IKBKB: variants seen among roughly 807,000 people sequenced by gnomAD.
The protein encoded by IKBKB is inhibitor of nuclear factor kappa-B kinase subunit beta.
IKBKB carries 42 observed loss-of-function variants against 113.6 expected under a neutral mutation model. The observed-to-expected ratio is 0.37, with a 90% CI of 0.29 to 0.48. IKBKB has a LOEUF of 0.48. Ranked by LOEUF, IKBKB falls within the 20% of genes least tolerant of loss-of-function variation. IKBKB has a pLI of 0.99. For missense variants in IKBKB, 673 were observed against 939.7 expected, an observed-to-expected ratio of 0.72 and a Z score of 3.71; for synonymous variants, 296 against 361.3, an observed-to-expected ratio of 0.82 and a Z score of 2.05.
rs201405778 is a variant in IKBKB, at chr8:42,272,034, A to G, written c.-18-49A>G. On this transcript the variant is annotated intron_variant, in intron 1 of 21. Transcript: ENST00000520810. ...TGCCTTCTCCATCCCTTTGAGCTCCATTTTTTTCTTAATCCTAACCTTTTT... is the reference window on the plus strand; with the variant it reads ...TGCCTTCTCCATCCCTTTGAGCTCCGTTTTTTTCTTAATCCTAACCTTTTT... 1.1e-5 allele frequency: 17 copies of G among 1,562,396 alleles called. 1 individual carries two copies. The South Asian group carries it at 1.9e-4, about 18-fold the overall frequency.
intron 2 of IKBKB, among the ~76,000 whole-genome samples, chr8:42,279,646 C>G (rs1809929087): frequency 6.6e-6 from 1 of 152,026 alleles, no homozygotes; most frequent in South Asian, 2.1e-4. Context: ...TGTGACTCAC[C>G]CACAGACCTG....
chr8:42,331,379 G>A lies in IKBKB; in HGVS notation c.*400G>A, dbSNP rs1821669778. On this transcript the variant is annotated 3_prime_UTR_variant, in exon 22 of 22. Coordinates refer to ENST00000520810, the MANE Select transcript of IKBKB (RefSeq NM_001556.3). ...AGTACGGTTTGCCACACACGTGACTGGACAGTGTCCAATTCAAATCTTTCA... is the reference window on the plus strand; with the variant it reads ...AGTACGGTTTGCCACACACGTGACTAGACAGTGTCCAATTCAAATCTTTCA... 4 of 702,788 alleles carry A rather than the reference G, an allele frequency of 5.7e-6. No homozygotes were observed. Among genetic ancestry groups the A allele is most frequent in the Middle Eastern group, 2.3e-4 (1 of 4,292 alleles). The allele number at this position is 702,788 out of a possible 1,614,324, so 43.5% of individuals were successfully genotyped here.
intron 20 of IKBKB, among the ~76,000 whole-genome samples, chr8:42,328,903 T>C (rs1821298736): frequency 6.6e-6 from 1 of 152,232 alleles, no homozygotes; most frequent in African/African-American, 2.4e-5. Flanking sequence ...ATCTGTTTGC[T>C]TTTTTGCATT....
intron 19 of IKBKB, among the ~76,000 whole-genome samples, chr8:42,323,152 C>T (rs944250454): frequency 6.6e-6 from 1 of 152,190 alleles, no homozygotes; most frequent in African/African-American, 2.4e-5. Context: ...GGATTTGAGT[C>T]CCACCCAAGT....
chr8:42,280,493 C>A (rs910321172), intron 2 of IKBKB, among the ~76,000 whole-genome samples: 3 of 152,168 alleles, frequency 2.0e-5, no homozygotes, highest in African/African-American at 7.2e-5. Flanking sequence ...GCGGGAAACA[C>A]GATACTCAGT....
intron 8 of IKBKB, among the ~76,000 whole-genome samples, 197 bp downstream of exon 8, chr8:42,309,222 C>G (rs1363680838): frequency 6.6e-6 from 1 of 152,216 alleles, no homozygotes; most frequent in South Asian, 2.1e-4. Context: ...GATAGAGTAG[C>G]TGTTAAGTCT....
At chr8:42,293,580 C>T (rs764263942) in intron 5 of IKBKB, 68 bp downstream of exon 5, 12 of 1,612,816 alleles carry the variant, frequency 7.4e-6, no homozygotes, top group Admixed American at 5.0e-5. Flanking sequence ...TGAGTCCCTG[C>T]GGAGCCCTGC....
chr8:42,309,214 T>C (rs1003985879), intron 8 of IKBKB, among the ~76,000 whole-genome samples, 189 bp downstream of exon 8: 15 of 152,186 alleles, frequency 9.9e-5, no homozygotes, highest in Non-Finnish European at 1.9e-4. Context: ...TGTTAATAGA[T>C]AGAGTAGCTG....
At chr8:42,285,166 T>C (rs866117196) in intron 2 of IKBKB, among the ~76,000 whole-genome samples, 1 of 152,174 alleles carries the variant, frequency 6.6e-6, no homozygotes, top group Middle Eastern at 3.2e-3. Context: ...AGAAATGTTA[T>C]TCTTTTGACA....
rs1585758837 is a variant in IKBKB, at chr8:42,316,228, G to A, written c.819G>A (p.Leu273=). 3.1e-6 allele frequency: 5 copies of A among 1,614,164 alleles called. No individual in the cohort carries two copies. Among genetic ancestry groups the A allele is most frequent in the Non-Finnish European group, 4.2e-6 (5 of 1,180,024 alleles). The change falls in exon 10 of 22, where the codon CTG becomes CTA. Residue 273 remains leucine (L), a synonymous_variant. Coordinates refer to ENST00000520810, the MANE Select transcript of IKBKB (RefSeq NM_001556.3). The surrounding 1 kb of genome is among the most constrained non-coding windows in gnomAD (Gnocchi z 4.5). ...TCCACAGTGTCCTGGCTGAGCGACT[G>A]GAGAAGTGGCTGCAACTGATGCTGA... is the stretch of plus-strand genomic sequence containing the variant. The part of the protein sequence containing the change: ...NNLNSVLAER[L]EKWLQLMLMW...
intron 5 of IKBKB, among the ~76,000 whole-genome samples, chr8:42,299,317 C>T (rs1464400775): frequency 6.6e-6 from 1 of 152,184 alleles, no homozygotes; most frequent in Non-Finnish European, 1.5e-5. Flanking sequence ...CCTGCAGCGA[C>T]CTCCTCCCTG....
intron 2 of IKBKB, among the ~76,000 whole-genome samples, chr8:42,282,503 A>G (rs1278540428): frequency 6.6e-6 from 1 of 152,178 alleles, no homozygotes; most frequent in Non-Finnish European, 1.5e-5. Context: ...CACCATGCCC[A>G]GCCACAAAGC....
chr8:42,312,318 T>C (rs1409473001), intron 8 of IKBKB, among the ~76,000 whole-genome samples: 1 of 152,244 alleles, frequency 6.6e-6, no homozygotes, highest in Middle Eastern at 3.2e-3. Flanking sequence ...ACATTCCTAA[T>C]GGCCCAGCGT....
At chr8:42,302,934 A>C (rs9694574) in intron 5 of IKBKB, among the ~76,000 whole-genome samples, 38,339 of 151,804 alleles carry the variant, frequency 0.25, 9,647 homozygotes, top group African/African-American at 0.66. Context: ...CTTTGCAGAG[A>C]ATGTTTGCTT....
intron 7 of IKBKB, 119 bp from the exon 8 acceptor site, chr8:42,308,782 C>G: frequency 4.4e-6 from 4 of 899,028 alleles, no homozygotes; most frequent in Non-Finnish European, 7.0e-6. Flanking sequence ...GCCCTGCATG[C>G]ATGTGCCAGT....
rs563788999 is a variant in IKBKB, at chr8:42,311,128, C to T, written c.692+2103C>T. ...TCACCAGGAAGGTCATATAAATACA[C>T]GTCTCCACCTGGAGTGTGGACACTG... On this transcript the variant is annotated intron_variant, in intron 8 of 21. Coordinates refer to ENST00000520810, the MANE Select transcript of IKBKB (RefSeq NM_001556.3). Among the ~76,000 whole-genome samples the T allele has an allele frequency of 6.6e-5, 10 of 152,352 alleles. No individual in the cohort carries two copies. In the East Asian group the frequency reaches 7.7e-4, roughly 12 times the overall value.
chr8:42,296,682 T>C (rs1004786782), intron 5 of IKBKB, among the ~76,000 whole-genome samples: 2 of 151,406 alleles, frequency 1.3e-5, no homozygotes, highest in Admixed American at 1.3e-4. Flanking sequence ...ATGAATCAAA[T>C]AAATCCTAAA....
At chr8:42,309,597 A>C (rs1585722155) in intron 8 of IKBKB, 2 of 247,126 alleles carry the variant, frequency 8.1e-6, no homozygotes, top group Non-Finnish European at 1.7e-5. Flanking sequence ...TCTACTAAAA[A>C]CCCTAGCCAG....
chr8:42,304,045 G>A (rs1228947843), intron 5 of IKBKB, among the ~76,000 whole-genome samples: 1 of 152,154 alleles, frequency 6.6e-6, no homozygotes, highest in African/African-American at 2.4e-5. Context: ...GTATCCCATG[G>A]TGTTTTGGAG....
Sources: gnomAD v4.1 joint callset for allele counts (sites outside exome capture counted in the v4.1 genomes callset) on GRCh38, gnomAD v4.1.1 for gene constraint, Gnocchi (gnomAD v3.1) non-coding constraint, MANE v1.5 for transcripts, NCBI Gene and HGNC (gene_info 2026-07-23, HGNC 2026-07-21) for gene names.